Variants in SORBS2 observed in about 807,000 individuals in gnomAD.
SORBS2 encodes sorbin and SH3 domain-containing protein 2.
Under a neutral mutation model 97.7 loss-of-function variants are expected in SORBS2, and 46 were observed. That is an observed-to-expected ratio of 0.47 (90% CI 0.37 to 0.60). The LOEUF is 0.60. SORBS2 is among the 20% of genes least tolerant of loss of function. SORBS2 has a pLI of 0.00. For synonymous variants in SORBS2, 476 were observed against 473.4 expected, an observed-to-expected ratio of 1.01 and a Z score of -0.07; for missense variants, 1,316 against 1,282.3, an observed-to-expected ratio of 1.03 and a Z score of -0.40.
At chr4:185,918,447 T>C (rs754404075) in intron 1 of SORBS2, 4 of 152,222 alleles carry the variant, frequency 2.6e-5, no homozygotes, top group Non-Finnish European at 5.9e-5. Context: ...CTCTCCATCT[T>C]TTCCGCCAGT....
rs1386791111 is a variant in SORBS2 at position 185,649,386 on chromosome 4, A to G, written c.281+81T>C. 6.8e-6 allele frequency: 8 copies of G among 1,172,350 alleles called. No homozygotes were observed. The South Asian group carries it at 1.0e-4, about 15-fold the overall frequency. The allele number at this position is 1,172,350 out of a possible 1,614,324, so 72.6% of individuals were successfully genotyped here. Reference sequence around the variant, plus strand: ...CATCCGCTCTCTCTGTGGCAGGTGCACTGATTCTTCTACTGAATGCCATGT... The same window carrying G: ...CATCCGCTCTCTCTGTGGCAGGTGCGCTGATTCTTCTACTGAATGCCATGT... On this transcript the variant is annotated intron_variant, in intron 3 of 14. Transcript: ENST00000418609.
chr4:185,835,321 G>A (rs988934553), intron 1 of SORBS2, among the ~76,000 whole-genome samples: 9 of 152,190 alleles, frequency 5.9e-5, no homozygotes, highest in Non-Finnish European at 8.8e-5. Context: ...GAGAAAGGAA[G>A]TAAACCATAG....
At chr4:185,702,486 A>G (rs2098278158) in intron 2 of SORBS2, among the ~76,000 whole-genome samples, 1 of 152,176 alleles carries the variant, frequency 6.6e-6, no homozygotes, top group Non-Finnish European at 1.5e-5. Flanking sequence ...CCCAAGACTC[A>G]AACACCTCCC....
chr4:185,786,404 C>T (rs2099056508), intron 1 of SORBS2, among the ~76,000 whole-genome samples: 1 of 152,202 alleles, frequency 6.6e-6, no homozygotes, highest in South Asian at 2.1e-4. Context: ...TCTATCATTC[C>T]TCTAGCAGGG....
Position 185,765,516 on chromosome 4 carries a change from T to C in SORBS2, c.-198+9711A>G, listed in dbSNP as rs1420567683. 2.6e-5 allele frequency among the ~76,000 whole-genome samples: 4 copies of C among 152,216 alleles called. No homozygotes were observed. The East Asian group carries it at 7.7e-4, about 29-fold the overall frequency. The stretch of plus-strand genomic sequence containing the variant: ...AAATACATAAAAAATTGTAAGGGGA[T>C]AAAAATCTCACTGCAATCAAGCTTT... On this transcript the variant is annotated intron_variant, in intron 2 of 20. Transcript: ENST00000284776.
chr4:185,677,576 C>T (rs1354974532), intron 4 of SORBS2: 1 of 1,541,836 alleles, frequency 6.5e-7, no homozygotes, highest in Admixed American at 2.0e-5. Context: ...AAATGACACC[C>T]TTTGTGTGAC....
intron 1 of SORBS2, among the ~76,000 whole-genome samples, chr4:185,880,323 C>T (rs996416878): frequency 2.0e-5 from 3 of 152,224 alleles, no homozygotes; most frequent in Non-Finnish European, 2.9e-5. Context: ...TCTGCATAGT[C>T]GGGGAGCATG....
At position 185,822,224 on chromosome 4, in the gene SORBS2, A is replaced by G. The variant is rs567936487; in HGVS notation, c.-337-46858T>C. Among the ~76,000 whole-genome samples the G allele has an allele frequency of 6.2e-4, 94 of 152,366 alleles. 2 individuals carry two copies. The South Asian group carries it at 0.018, about 29-fold the overall frequency. ...CATTACTATTTAGGGTTTGACAGTC[A>G]TCCTTTATCTAGTGTTTCCCCAGTT... is the stretch of plus-strand genomic sequence containing the variant. On this transcript the variant is annotated intron_variant, in intron 1 of 20. Coordinates refer to the SORBS2 transcript ENST00000284776.
At chr4:185,952,867 C>T (rs566447006) in intron 1 of SORBS2, among the ~76,000 whole-genome samples, 3 of 152,304 alleles carry the variant, frequency 2.0e-5, no homozygotes, top group East Asian at 1.9e-4. Context: ...AGTCACCACT[C>T]GTAGCAAACA....
rs55713465 is a variant in SORBS2, at chr4:185,809,455, C to CAAAAAAAA, written c.-337-34097_-337-34090dup. Among the ~76,000 whole-genome samples the CAAAAAAAA allele has an allele frequency of 1.6e-3, 75 of 47,292 alleles. 18 individuals carry two copies. Among genetic ancestry groups the CAAAAAAAA allele is most frequent in the African/African-American group, 5.7e-3 (66 of 11,562 alleles). The allele number at this position is 47,292 out of a possible 152,430, so 31.0% of individuals were successfully genotyped here. ...GACTCTTCAGGGGGCACTGCATTTGCAAAAAAAAAAAAAAAAAAAAAAAAA... is the reference window on the plus strand; with the variant it reads ...GACTCTTCAGGGGGCACTGCATTTGCAAAAAAAAAAAAAAAAAAAAAAAAAAAAAAAAA... On this transcript the variant is annotated intron_variant, in intron 1 of 20. Transcript: ENST00000284776.
chr4:185,780,664 C>T (rs957522306), intron 1 of SORBS2, among the ~76,000 whole-genome samples: 5 of 152,198 alleles, frequency 3.3e-5, no homozygotes, highest in Non-Finnish European at 5.9e-5. Context: ...ATGATTTACG[C>T]CTTTTTGCAG....
chr4:185,743,556 T>C (rs2098740315), intron 2 of SORBS2, among the ~76,000 whole-genome samples: 1 of 152,228 alleles, frequency 6.6e-6, no homozygotes, highest in South Asian at 2.1e-4. Context: ...CTCCTTTCCA[T>C]GTACACACCT....
intron 4 of SORBS2, among the ~76,000 whole-genome samples, chr4:185,632,326 G>A (rs13138440): frequency 0.25 from 38,009 of 152,058 alleles, 4,931 homozygotes; most frequent in African/African-American, 0.29. Context: ...AGAAAAAGTG[G>A]ATTGTAATAT....
chr4:185,807,551 C>T (rs1289295836), intron 1 of SORBS2, among the ~76,000 whole-genome samples: 2 of 152,108 alleles, frequency 1.3e-5, no homozygotes, highest in African/African-American at 4.8e-5. Flanking sequence ...ATGCTGCAAA[C>T]ACCAAAGTAA....
chr4:185,676,958 G>T, intron 4 of SORBS2: 1 of 1,510,118 alleles, frequency 6.6e-7, no homozygotes, highest in South Asian at 1.2e-5. Flanking sequence ...TCTACGATAC[G>T]CATGTATTAA....
chr4:185,892,841 G>A (rs1350246844), intron 1 of SORBS2, among the ~76,000 whole-genome samples: 2 of 152,124 alleles, frequency 1.3e-5, no homozygotes, highest in Non-Finnish European at 2.9e-5. Flanking sequence ...GCAGATGGAT[G>A]GCAGAGACGG....
At chr4:185,705,751 C>T (rs929011785) in intron 2 of SORBS2, among the ~76,000 whole-genome samples, 5 of 152,130 alleles carry the variant, frequency 3.3e-5, no homozygotes, top group African/African-American at 7.2e-5. Context: ...TGACTCCCAT[C>T]GTGAAGTGGT....
At chr4:185,842,846 A>C (rs1279502900) in intron 1 of SORBS2, among the ~76,000 whole-genome samples, 3 of 151,180 alleles carry the variant, frequency 2.0e-5, no homozygotes. Context: ...GAGGCAAGGG[A>C]ATCGCTTGGG....
chr4:185,743,689 C>A (rs1361656992), intron 2 of SORBS2, among the ~76,000 whole-genome samples: 2 of 152,146 alleles, frequency 1.3e-5, no homozygotes, highest in African/African-American at 4.8e-5. Flanking sequence ...ACAGGGCAAA[C>A]TAAGACTCTG....
Sources: gnomAD v4.1 joint callset for allele counts (sites outside exome capture counted in the v4.1 genomes callset) on GRCh38, gnomAD v4.1.1 for gene constraint, MANE v1.5 for transcripts, NCBI Gene and HGNC (gene_info 2026-07-23, HGNC 2026-07-21) for gene names.